The following USP25 variants were observed in gnomAD, a reference collection of about 807,000 sequenced individuals.
The protein encoded by USP25 is ubiquitin specific peptidase 25, also known as ubiquitin carboxyl-terminal hydrolase 25.
A neutral mutation model predicts 158.5 loss-of-function variants in USP25; 85 were observed. The ratio of observed to expected loss-of-function variants is 0.54; its 90% CI spans 0.45 to 0.64. USP25 has a LOEUF of 0.64. USP25 is among the 30% of genes least tolerant of loss of function. The pLI is 0.00. For missense variants in USP25, 1,242 were observed against 1,327.3 expected (o/e 0.94, Z 1.00); for synonymous variants, 464 against 460.4 (o/e 1.01, Z -0.10).
At chr21:15,754,613 T>A (rs1489432127) in intron 1 of USP25, among the ~76,000 whole-genome samples, 2 of 152,198 alleles carry the variant, frequency 1.3e-5, no homozygotes, top group Admixed American at 1.3e-4. Context: ...GAGAATGGTG[T>A]TCTGTAGACC....
At chr21:15,851,449 C>T (rs2038883146) in intron 20 of USP25, among the ~76,000 whole-genome samples, 1 of 151,438 alleles carries the variant, frequency 6.6e-6, no homozygotes, top group South Asian at 2.1e-4. Context: ...GATGAGCTCT[C>T]TTTCTTTTCC....
intron 20 of USP25, among the ~76,000 whole-genome samples, chr21:15,862,699 T>A (rs2039481085): frequency 6.6e-6 from 1 of 151,310 alleles, no homozygotes; most frequent in Admixed American, 6.6e-5. Flanking sequence ...AGTTGATATT[T>A]ATGGCTGTTA....
At chr21:15,833,804 G>T (rs1055756764) in intron 17 of USP25, among the ~76,000 whole-genome samples, 2 of 152,114 alleles carry the variant, frequency 1.3e-5, no homozygotes, top group African/African-American at 4.8e-5. Context: ...TGCCTGTGTT[G>T]GGTGGGCTTG....
chr21:15,731,013 C>T (rs1247828455), intron 1 of USP25, among the ~76,000 whole-genome samples: 1 of 101,882 alleles, frequency 9.8e-6, no homozygotes, highest in African/African-American at 4.0e-5. Context: ...AATATAGAAA[C>T]TGTCCCTAAG....
chr21:15,842,689 T>TGA, intron 18 of USP25, 149 bp downstream of exon 18: 5 of 897,340 alleles, frequency 5.6e-6, no homozygotes, highest in Non-Finnish European at 8.1e-6. Flanking sequence ...GGGCAAGTCA[T>TGA]CTCATGCCCA....
At chr21:15,846,122 G>GTGTATA (rs1211037382) in intron 18 of USP25, among the ~76,000 whole-genome samples, 1 of 55,708 alleles carries the variant, frequency 1.8e-5, no homozygotes. Context: ...GTGTGTGTGT[G>GTGTATA]TATATATATA....
At chr21:15,804,975 T>C (rs1310653804) in intron 6 of USP25, 146 bp from the exon 7 acceptor site, 2 of 822,874 alleles carry the variant, frequency 2.4e-6, no homozygotes, top group Non-Finnish European at 3.4e-6. Flanking sequence ...CACTCTACTT[T>C]CTTCAATTAT....
chr21:15,831,564 G>C lies in USP25; in HGVS notation c.1928G>C (p.Gly643Ala). Reference protein sequence around the residue: ...WEELVRDSFGGYRNASAYCLM... With the variant: ...WEELVRDSFGAYRNASAYCLM... Reference sequence around the variant, plus strand: ...GAGCTAGTGAGGGACTCTTTTGGTGGTTATAGAAATGCCAGTGCATACTGT... The same window carrying C: ...GAGCTAGTGAGGGACTCTTTTGGTGCTTATAGAAATGCCAGTGCATACTGT... The change falls in exon 16 of 26, where the codon GGT becomes GCT. Residue 643 changes from glycine to alanine, a missense_variant. Gly to Ala is a moderately conservative substitution (Grantham distance 60). Around this residue, in one of 3 missense-constraint regions of USP25, gnomAD observed 608 missense variants for 605.2 expected, o/e 1.00. Transcript: ENST00000400183. The C allele has an allele frequency of 1.2e-6, 2 of 1,614,004 alleles. No homozygotes were observed. The highest frequency in any genetic ancestry group is 2.2e-5 in the South Asian group (2 of 91,078).
chr21:15,838,703 C>T (rs1169761817), intron 17 of USP25, among the ~76,000 whole-genome samples: 2 of 152,018 alleles, frequency 1.3e-5, no homozygotes, highest in African/African-American at 2.4e-5. Flanking sequence ...TCAGTGTGAA[C>T]GTAATAAGTA....
chr21:15,755,686 T>C (rs1467717607), intron 1 of USP25, among the ~76,000 whole-genome samples: 1 of 152,182 alleles, frequency 6.6e-6, no homozygotes, highest in Non-Finnish European at 1.5e-5. Context: ...TAGGGAAGTT[T>C]AAACCTTCAC....
intron 16 of USP25, among the ~76,000 whole-genome samples, chr21:15,831,854 T>C (rs904342216): frequency 6.6e-6 from 1 of 152,152 alleles, no homozygotes; most frequent in Non-Finnish European, 1.5e-5. Context: ...ACCTTTTTCG[T>C]CCTTGCTAAA....
Position 15,830,617 on chromosome 21 carries a change from A to G in USP25, c.1764+16A>G. 6.4e-7 allele frequency: 1 copy of G among 1,554,072 alleles called. No individual in the cohort carries two copies. Among genetic ancestry groups the G allele is most frequent in the East Asian group, 2.3e-5 (1 of 43,934 alleles). The stretch of plus-strand genomic sequence containing the variant: ...TATGATACAAGTAAGTGAAATTTTG[A>G]GCTAGTAATCATTGTCAAAATTATT... On this transcript the variant is annotated intron_variant, in intron 15 of 25. Transcript: ENST00000400183.
At chr21:15,801,077 GTTC>G (rs1444096815) in intron 6 of USP25, among the ~76,000 whole-genome samples, 1 of 151,486 alleles carries the variant, frequency 6.6e-6, no homozygotes, top group African/African-American at 2.4e-5. Context: ...TAATATCACA[GTTC>G]TTCTCTCTTC....
chr21:15,792,670 A>G lies in USP25; in HGVS notation c.555+1006A>G, dbSNP rs545037311. ...TTTCTACAAGTTAATTGTTTTTGCT[A>G]ACTTGTAATTTTAACTTTTTTTTAT... On this transcript the variant is annotated intron_variant, in intron 5 of 25. Transcript: ENST00000400183. 2.0e-5 allele frequency among the ~76,000 whole-genome samples: 3 copies of G among 151,776 alleles called. No individual in the cohort carries two copies. The East Asian group carries it at 5.8e-4, about 29-fold the overall frequency.
chr21:15,823,842 T>C (rs1186600791), intron 10 of USP25, among the ~76,000 whole-genome samples, 197 bp from the exon 11 acceptor site: 1 of 152,166 alleles, frequency 6.6e-6, no homozygotes, highest in African/African-American at 2.4e-5. Flanking sequence ...TTATACCCAC[T>C]CTTGGAATTT....
chr21:15,740,683 C>T (rs139072768), intron 1 of USP25, among the ~76,000 whole-genome samples: 5 of 85,316 alleles, frequency 5.9e-5, no homozygotes, highest in African/African-American at 1.6e-4. Context: ...TTGGTATGTG[C>T]GTGTGTATTT....
At chr21:15,797,575 C>T (rs2035921773) in intron 5 of USP25, among the ~76,000 whole-genome samples, 1 of 151,312 alleles carries the variant, frequency 6.6e-6, no homozygotes, top group African/African-American at 2.4e-5. Context: ...TTCACCAGCA[C>T]ACCCACACCA....
In USP25 at chr21:15,810,227, A is replaced by G. The variant is rs537259927; in HGVS notation, c.858-910A>G. ...TTTTTCAGTAGCATTAAAGACTGCT[A>G]TACTACCTACTGGGGTTCTTGTAAG... On this transcript the variant is annotated intron_variant, in intron 8 of 25. Coordinates refer to ENST00000400183, the MANE Select transcript of USP25 (RefSeq NM_001283041.3). 2.0e-5 allele frequency among the ~76,000 whole-genome samples: 3 copies of G among 152,230 alleles called. No individual in the cohort carries two copies. In the South Asian group the frequency reaches 6.2e-4, roughly 32 times the overall value.
intron 5 of USP25, among the ~76,000 whole-genome samples, chr21:15,797,786 T>G (rs2035931889): frequency 6.6e-6 from 1 of 151,230 alleles, no homozygotes; most frequent in Non-Finnish European, 1.5e-5. Flanking sequence ...GCTGTTTCAG[T>G]TACCTGCTGT....
Sources: allele counts gnomAD v4.1 joint callset (sites outside exome capture counted in the v4.1 genomes callset), GRCh38; gene constraint gnomAD v4.1.1; regional missense constraint gnomAD v4.1.1; transcripts MANE v1.5; gene names NCBI Gene and HGNC (gene_info 2026-07-23, HGNC 2026-07-21).